Variants in RPS6KC1 observed in about 807,000 individuals in gnomAD.
RPS6KC1 encodes ribosomal protein S6 kinase C1.
Under a neutral mutation model 103.8 loss-of-function variants are expected in RPS6KC1, and 54 were observed. The observed-to-expected ratio is 0.52, with a 90% CI of 0.42 to 0.65. The LOEUF is 0.65. Among genes scored for constraint, RPS6KC1 ranks in the 30% least tolerant of loss-of-function variants. The probability of loss-of-function intolerance (pLI) is 0.00; values close to 1 mark genes in which losing one functional copy is unlikely to be tolerated. For synonymous variants in RPS6KC1, 439 were observed against 438.7 expected (o/e 1.00, Z -0.01); for missense variants, 1,151 against 1,253.8 (o/e 0.92, Z 1.24).
intron 12 of RPS6KC1, among the ~76,000 whole-genome samples, chr1:213,248,266 A>G (rs2148996583): frequency 6.6e-6 from 1 of 152,262 alleles, no homozygotes; most frequent in Admixed American, 6.5e-5. Flanking sequence ...TGAGTAAAAT[A>G]TTTATGGTTA....
chr1:213,467,603 G>A, the RPS6KC1 span, among the ~76,000 whole-genome samples: 1 of 152,170 alleles, frequency 6.6e-6, no homozygotes, highest in African/African-American at 2.4e-5. Context: ...CTTGGTTTTT[G>A]TTTTTGGCAA....
At chr1:213,619,289 C>G in the RPS6KC1 span, among the ~76,000 whole-genome samples, 2 of 152,186 alleles carry the variant, frequency 1.3e-5, no homozygotes, top group Non-Finnish European at 2.9e-5. Flanking sequence ...GCCTGTATCT[C>G]TCATGTGCAT....
chr1:213,347,240 A>G, the RPS6KC1 span, among the ~76,000 whole-genome samples: 5 of 152,240 alleles, frequency 3.3e-5, no homozygotes, highest in Non-Finnish European at 5.9e-5. Context: ...TTGATTGGTA[A>G]TAAGATTAAT....
the RPS6KC1 span, among the ~76,000 whole-genome samples, chr1:213,301,239 G>A: frequency 6.6e-6 from 1 of 152,176 alleles, no homozygotes; most frequent in Non-Finnish European, 1.5e-5. Flanking sequence ...CTAGGAGAAA[G>A]CAGAGATAGC....
At chr1:213,634,871 C>A in the RPS6KC1 span, among the ~76,000 whole-genome samples, 21,288 of 150,702 alleles carry the variant, frequency 0.14, 2,348 homozygotes, top group African/African-American at 0.31. Flanking sequence ...TTGATAGGCC[C>A]CTTGCAAGAC....
chr1:213,673,560 A>ACTC, the RPS6KC1 span, among the ~76,000 whole-genome samples: 1 of 152,064 alleles, frequency 6.6e-6, no homozygotes, highest in Non-Finnish European at 1.5e-5. Context: ...AAGGTCAGGA[A>ACTC]CTCCTACAAG....
the RPS6KC1 span, among the ~76,000 whole-genome samples, chr1:213,538,601 G>T: frequency 2.0e-5 from 3 of 152,296 alleles, no homozygotes; most frequent in African/African-American, 7.2e-5. Flanking sequence ...TTGCTGTAAG[G>T]ATGAGGGAAA....
chr1:213,641,800 C>T, the RPS6KC1 span, among the ~76,000 whole-genome samples: 23 of 151,622 alleles, frequency 1.5e-4, no homozygotes, highest in South Asian at 3.3e-3. Flanking sequence ...AGGACATCAC[C>T]ACTGCCCCAC....
chr1:213,360,184 T>A, the RPS6KC1 span, among the ~76,000 whole-genome samples: 50 of 152,354 alleles, frequency 3.3e-4, no homozygotes, highest in East Asian at 9.1e-3. Flanking sequence ...CCCGTCACTT[T>A]CAGGTACACC....
the RPS6KC1 span, among the ~76,000 whole-genome samples, chr1:213,290,089 G>T: frequency 7.1e-6 from 1 of 141,248 alleles, no homozygotes; most frequent in Non-Finnish European, 1.5e-5. Context: ...AGCTTGCAGT[G>T]AGCCGAGATT....
the RPS6KC1 span, among the ~76,000 whole-genome samples, chr1:213,297,350 A>C: frequency 7.9e-5 from 12 of 152,248 alleles, no homozygotes; most frequent in African/African-American, 2.2e-4. Context: ...AAATACAAAC[A>C]GGAACAGGCC....
chr1:213,211,367 AAAATGAGAATGAC>A (rs1051220552), intron 8 of RPS6KC1, among the ~76,000 whole-genome samples: 32 of 152,266 alleles, frequency 2.1e-4, no homozygotes, highest in African/African-American at 7.2e-4. Flanking sequence ...ACAGACAATC[AAAATGAGAATGAC>A]AAAGGTGTGG....
the RPS6KC1 span, among the ~76,000 whole-genome samples, chr1:213,707,553 C>G: frequency 1.3e-5 from 2 of 152,078 alleles, no homozygotes; most frequent in Non-Finnish European, 2.9e-5. Context: ...TTAATTAGAT[C>G]TCATTTGTCA....
the RPS6KC1 span, among the ~76,000 whole-genome samples, chr1:213,407,171 G>T: frequency 6.6e-6 from 1 of 151,946 alleles, no homozygotes; most frequent in Non-Finnish European, 1.5e-5. Flanking sequence ...CACTGGATTT[G>T]GGACTTCTGG....
chr1:213,737,055 A>G, the RPS6KC1 span, among the ~76,000 whole-genome samples: 1 of 152,188 alleles, frequency 6.6e-6, no homozygotes, highest in East Asian at 1.9e-4. Context: ...GCTTGCTCAT[A>G]CGTGGTGCAT....
the RPS6KC1 span, among the ~76,000 whole-genome samples, chr1:213,314,876 G>A: frequency 3.3e-5 from 5 of 152,154 alleles, no homozygotes; most frequent in East Asian, 5.8e-4. Context: ...CAATTCAGTC[G>A]AGAGGTGGAT....
chr1:213,061,716 A>G (rs961253632), intron 1 of RPS6KC1, among the ~76,000 whole-genome samples: 9 of 152,102 alleles, frequency 5.9e-5, no homozygotes, highest in Non-Finnish European at 2.9e-5. Context: ...GCCACTTGGT[A>G]TACCTAATCA....
the RPS6KC1 span, among the ~76,000 whole-genome samples, chr1:213,407,218 G>GCA: frequency 1.6e-4 from 21 of 127,560 alleles, no homozygotes; most frequent in Admixed American, 7.0e-4. Flanking sequence ...ATGCACGCGC[G>GCA]CACACACACA....
the RPS6KC1 span, among the ~76,000 whole-genome samples, chr1:213,836,610 G>GT: frequency 6.6e-6 from 1 of 151,634 alleles, no homozygotes; most frequent in South Asian, 2.1e-4. Context: ...CTATAGCAGT[G>GT]TTTTTTCAAA....
Sources: gnomAD v4.1 joint callset for allele counts (sites outside exome capture counted in the v4.1 genomes callset) on GRCh38, gnomAD v4.1.1 for gene constraint, MANE v1.5 for transcripts, NCBI Gene and HGNC (gene_info 2026-07-23, HGNC 2026-07-21) for gene names.